The following CDKAL1 variants were observed in gnomAD, a reference collection of about 807,000 sequenced individuals.
The protein encoded by CDKAL1 is CDKAL1 threonylcarbamoyladenosine tRNA methylthiotransferase.
Under a neutral mutation model 68.2 loss-of-function variants are expected in CDKAL1, and 32 were observed. The observed-to-expected ratio is 0.47, with a 90% CI of 0.35 to 0.63. The LOEUF is 0.63. Among genes scored for constraint, CDKAL1 ranks in the 30% least tolerant of loss-of-function variants. The pLI, the probability that CDKAL1 is intolerant of heterozygous loss-of-function variation, is 0.00. For synonymous variants in CDKAL1, 234 were observed against 244.3 expected, an observed-to-expected ratio of 0.96 and a Z score of 0.39; for missense variants, 606 against 696.7, an observed-to-expected ratio of 0.87 and a Z score of 1.47.
At chr6:21,217,800 T>A (rs1779397497) in intron 15 of CDKAL1, among the ~76,000 whole-genome samples, 1 of 152,122 alleles carries the variant, frequency 6.6e-6, no homozygotes, top group East Asian at 1.9e-4. Context: ...ATCTGGCTAT[T>A]TTTGCAGAGA....
At position 21,016,099 on chromosome 6, in the gene CDKAL1, A is replaced by G. The variant is rs574250254; in HGVS notation, c.1055+15727A>G. On this transcript the variant is annotated intron_variant, in intron 11 of 15. Transcript: ENST00000274695. ...CCTTCAAATAATTCTATAATTACTA[A>G]TATTTATTGAACACTTAGAATGTAT... Among the ~76,000 whole-genome samples, 81 of 151,886 alleles carry G rather than the reference A, an allele frequency of 5.3e-4. 1 individual carries two copies. In the South Asian group the frequency reaches 0.016, roughly 31 times the overall value.
chr6:20,699,522 A>C (rs903160866), intron 5 of CDKAL1, among the ~76,000 whole-genome samples: 2 of 151,986 alleles, frequency 1.3e-5, no homozygotes, highest in Non-Finnish European at 2.9e-5. Context: ...TTTCCTGTTG[A>C]GTAGGTTTTG....
At chr6:21,080,495 A>G (rs1772328639) in intron 12 of CDKAL1, among the ~76,000 whole-genome samples, 1 of 152,166 alleles carries the variant, frequency 6.6e-6, no homozygotes, top group Non-Finnish European at 1.5e-5. Context: ...TAAGAACTCT[A>G]TTAGTTTTTA....
chr6:20,907,672 C>CGT (rs1217812761), intron 9 of CDKAL1, among the ~76,000 whole-genome samples: 1 of 152,058 alleles, frequency 6.6e-6, no homozygotes, highest in Non-Finnish European at 1.5e-5. Flanking sequence ...AGAGCTCCCC[C>CGT]GTGTGTGAGG....
At chr6:20,830,569 A>T (rs1196838945) in intron 8 of CDKAL1, among the ~76,000 whole-genome samples, 2 of 152,184 alleles carry the variant, frequency 1.3e-5, no homozygotes, top group African/African-American at 4.8e-5. Flanking sequence ...AAGTAATAAG[A>T]CCACAGTAAA....
chr6:21,113,923 G>C (rs1053725521), intron 13 of CDKAL1, among the ~76,000 whole-genome samples: 4 of 151,678 alleles, frequency 2.6e-5, no homozygotes, highest in Admixed American at 2.0e-4. Context: ...CTGGGCAACA[G>C]AGCAAGAGCC....
At chr6:20,831,636 C>T (rs116043447) in intron 8 of CDKAL1, among the ~76,000 whole-genome samples, 1,961 of 152,206 alleles carry the variant, frequency 0.013, 42 homozygotes, top group South Asian at 0.048. Flanking sequence ...TGCTTTGCAG[C>T]TTCTCCTCAG....
chr6:20,771,844 T>G (rs1047882371), intron 7 of CDKAL1, among the ~76,000 whole-genome samples: 2 of 152,184 alleles, frequency 1.3e-5, no homozygotes, highest in African/African-American at 4.8e-5. Flanking sequence ...GACTGGAGGC[T>G]TCCTGAGGCC....
intron 13 of CDKAL1, 76 bp downstream of exon 13, chr6:21,108,539 G>T: frequency 1.1e-6 from 1 of 917,174 alleles, no homozygotes; most frequent in Non-Finnish European, 1.7e-6. Flanking sequence ...ACCAACATAT[G>T]GTGATTCTGA....
At chr6:20,770,816 A>G (rs1774909585) in intron 7 of CDKAL1, among the ~76,000 whole-genome samples, 1 of 152,212 alleles carries the variant, frequency 6.6e-6, no homozygotes, top group Non-Finnish European at 1.5e-5. Context: ...CAAAAGCAGG[A>G]AATCTAGGAA....
intron 10 of CDKAL1, among the ~76,000 whole-genome samples, chr6:20,985,396 C>T (rs558500648): frequency 5.9e-5 from 9 of 152,222 alleles, no homozygotes; most frequent in East Asian, 1.9e-4. Flanking sequence ...CAGATTCAAG[C>T]GGTTCCCCTG....
intron 11 of CDKAL1, among the ~76,000 whole-genome samples, chr6:21,044,096 G>C (rs1184570780): frequency 6.6e-6 from 1 of 152,186 alleles, no homozygotes; most frequent in African/African-American, 2.4e-5. Flanking sequence ...GTTATACCAT[G>C]TTGTACCCAA....
intron 4 of CDKAL1, among the ~76,000 whole-genome samples, chr6:20,646,048 ATTT>A (rs1171622769): frequency 2.9e-4 from 25 of 87,360 alleles, no homozygotes; most frequent in South Asian, 4.6e-4. Context: ...TCACGGTTAA[ATTT>A]TTTTTTTTTT....
At chr6:20,580,522 C>T (rs1367324839) in intron 4 of CDKAL1, among the ~76,000 whole-genome samples, 2 of 152,096 alleles carry the variant, frequency 1.3e-5, no homozygotes, top group African/African-American at 4.8e-5. Context: ...TGTGAGTCTT[C>T]TCTAGACTCA....
Position 21,201,212 on chromosome 6 carries a change from A to G in CDKAL1, c.1486A>G (p.Lys496Glu). The change falls in exon 15 of 16, where the codon AAA becomes GAA. Residue 496 changes from lysine (K) to glutamate (E), a missense_variant. Lys to Glu is a moderately conservative substitution (Grantham distance 56, BLOSUM62 1). Coordinates refer to ENST00000274695, the MANE Select transcript of CDKAL1 (RefSeq NM_017774.3). ...FMKGQPVSDAKVYTPSISKPL... is the reference protein window; with the variant it reads ...FMKGQPVSDAEVYTPSISKPL... ...GAAAGGGCAGCCAGTATCTGATGCC[A>G]AAGTGTACACGCCCTCCATCAGCAA... 1.2e-6 allele frequency: 2 copies of G among 1,614,000 alleles called. No homozygotes were observed. Among genetic ancestry groups the G allele is most frequent in the East Asian group, 2.2e-5 (1 of 44,886 alleles).
intron 7 of CDKAL1, among the ~76,000 whole-genome samples, chr6:20,763,446 A>C (rs539844743): frequency 6.6e-6 from 1 of 152,146 alleles, no homozygotes. Flanking sequence ...CTTCTTAGTT[A>C]TGCAGTGAGC....
chr6:20,603,842 T>A (rs1766216213), intron 4 of CDKAL1, among the ~76,000 whole-genome samples: 1 of 138,478 alleles, frequency 7.2e-6, no homozygotes, highest in Admixed American at 8.3e-5. Context: ...AGTGGTGTGA[T>A]ACCGGCTCAC....
intron 15 of CDKAL1, among the ~76,000 whole-genome samples, chr6:21,223,530 A>C (rs1348458242): frequency 1.3e-5 from 2 of 152,172 alleles, no homozygotes; most frequent in African/African-American, 4.8e-5. Flanking sequence ...CCATATTACA[A>C]CTTATCAATA....
chr6:21,007,511 C>CTT, intron 11 of CDKAL1, among the ~76,000 whole-genome samples: 1 of 124,746 alleles, frequency 8.0e-6, no homozygotes, highest in Admixed American at 8.2e-5. Context: ...AAAAAAAAAG[C>CTT]CCACAATGAA....
Sources: allele counts gnomAD v4.1 joint callset (sites outside exome capture counted in the v4.1 genomes callset), GRCh38; gene constraint gnomAD v4.1.1; transcripts MANE v1.5; gene names NCBI Gene and HGNC (gene_info 2026-07-23, HGNC 2026-07-21).